EVI5: variants seen among roughly 807,000 people sequenced by gnomAD.
EVI5 encodes the protein ecotropic viral integration site 5 protein homolog.
In EVI5, 73 loss-of-function variants were observed where a neutral mutation model predicts 112.0. That is an observed-to-expected ratio of 0.65 (90% CI 0.54 to 0.79). The LOEUF (loss-of-function observed/expected upper bound fraction) is 0.79, where lower values mean the gene tolerates loss of function less well. Ranked by LOEUF, EVI5 falls within the 30% of genes least tolerant of loss-of-function variation. The pLI, the probability that EVI5 is intolerant of heterozygous loss-of-function variation, is 0.00. For synonymous variants in EVI5, 305 were observed against 319.9 expected, an observed-to-expected ratio of 0.95 and a Z score of 0.50; for missense variants, 900 against 968.8, an observed-to-expected ratio of 0.93 and a Z score of 0.94.
intron 1 of EVI5, among the ~76,000 whole-genome samples, chr1:92,744,185 C>T (rs996675713): frequency 5.3e-5 from 8 of 152,060 alleles, no homozygotes; most frequent in Non-Finnish European, 1.0e-4. Flanking sequence ...TTAATTCCAC[C>T]GTGGTCTGAG....
chr1:92,769,570 T>A (rs538033295), intron 1 of EVI5, among the ~76,000 whole-genome samples: 1 of 152,208 alleles, frequency 6.6e-6, no homozygotes, highest in Admixed American at 6.5e-5. Context: ...AGAGGGTGCT[T>A]TGCAGCTATG....
chr1:92,526,808 T>A (rs1189095894), intron 19 of EVI5, among the ~76,000 whole-genome samples: 1 of 152,150 alleles, frequency 6.6e-6, no homozygotes, highest in Non-Finnish European at 1.5e-5. Flanking sequence ...ACATATAGAA[T>A]GTACAACACA....
intron 13 of EVI5, among the ~76,000 whole-genome samples, chr1:92,643,353 G>A (rs571607480): frequency 7.0e-6 from 1 of 143,718 alleles, no homozygotes; most frequent in Non-Finnish European, 1.5e-5. Context: ...AATCTGGAGT[G>A]CAGTGGCATC....
chr1:92,548,571 T>A (rs1452657698), intron 19 of EVI5, among the ~76,000 whole-genome samples: 1 of 152,208 alleles, frequency 6.6e-6, no homozygotes, highest in African/African-American at 2.4e-5. Context: ...TGTTTGCAGA[T>A]GACATGATTG....
At chr1:92,709,426 G>T (rs1349648600) in intron 2 of EVI5, among the ~76,000 whole-genome samples, 4 of 152,110 alleles carry the variant, frequency 2.6e-5, no homozygotes, top group African/African-American at 7.2e-5. Flanking sequence ...GGTGAGAAAT[G>T]ACTGCATTTT....
chr1:92,671,933 G>C (rs1192719799), intron 10 of EVI5, among the ~76,000 whole-genome samples: 2 of 151,252 alleles, frequency 1.3e-5, no homozygotes, highest in African/African-American at 4.9e-5. Context: ...CTCCTGAGTA[G>C]CTAGGACTAC....
At chr1:92,672,792 G>GT (rs1235940033) in intron 10 of EVI5, among the ~76,000 whole-genome samples, 7 of 152,042 alleles carry the variant, frequency 4.6e-5, no homozygotes, top group Non-Finnish European at 1.0e-4. Context: ...GTAGCCATTA[G>GT]TTTTTTTAAT....
intron 9 of EVI5, among the ~76,000 whole-genome samples, chr1:92,692,754 A>C (rs1451519392): frequency 6.6e-6 from 1 of 152,168 alleles, no homozygotes; most frequent in Non-Finnish European, 1.5e-5. Context: ...TGGAGTAGGA[A>C]TATCCATGGG....
At chr1:92,574,086 T>C (rs1161933470) in intron 18 of EVI5, among the ~76,000 whole-genome samples, 3 of 152,084 alleles carry the variant, frequency 2.0e-5, no homozygotes, top group South Asian at 4.1e-4. Flanking sequence ...TAGAAGAATA[T>C]TGTACCAAGA....
intron 10 of EVI5, among the ~76,000 whole-genome samples, chr1:92,666,318 G>T (rs1038622841): frequency 6.6e-6 from 1 of 151,708 alleles, no homozygotes; most frequent in Admixed American, 6.6e-5. Flanking sequence ...CAGGAATGGT[G>T]GTGATGAGCC....
chr1:92,650,596 G>A (rs774819961), intron 13 of EVI5, among the ~76,000 whole-genome samples: 2 of 151,482 alleles, frequency 1.3e-5, no homozygotes, highest in Admixed American at 1.3e-4. Flanking sequence ...TCTTATAATT[G>A]GTATATTTAA....
intron 2 of EVI5, among the ~76,000 whole-genome samples, chr1:92,713,610 T>C (rs774621757): frequency 6.6e-6 from 1 of 151,870 alleles, no homozygotes; most frequent in Non-Finnish European, 1.5e-5. Context: ...ACCCCATCTC[T>C]ACCAAAAACT....
intron 1 of EVI5, among the ~76,000 whole-genome samples, chr1:92,757,959 G>A (rs1681212784): frequency 1.4e-5 from 2 of 147,496 alleles, no homozygotes; most frequent in Non-Finnish European, 3.0e-5. Flanking sequence ...AGAAAAAACT[G>A]GTAATAACCA....
chr1:92,728,631 G>A (rs762627080), intron 2 of EVI5, among the ~76,000 whole-genome samples: 19 of 152,082 alleles, frequency 1.2e-4, no homozygotes, highest in Admixed American at 5.2e-4. Context: ...CAGGTGATCC[G>A]CCCACCTTGG....
At chr1:92,725,476 T>C (rs752596947) in intron 2 of EVI5, among the ~76,000 whole-genome samples, 8 of 152,116 alleles carry the variant, frequency 5.3e-5, no homozygotes, top group Non-Finnish European at 1.2e-4. Flanking sequence ...CACGACAAGA[T>C]AAAATTCACA....
intron 18 of EVI5, among the ~76,000 whole-genome samples, chr1:92,568,984 T>C (rs1246465759): frequency 1.3e-5 from 2 of 152,194 alleles, no homozygotes. Flanking sequence ...TTTTCCACTG[T>C]GCAGGGATCA....
intron 3 of EVI5, among the ~76,000 whole-genome samples, chr1:92,704,235 G>A (rs545749780): frequency 4.6e-5 from 7 of 152,218 alleles, no homozygotes; most frequent in African/African-American, 1.7e-4. Context: ...AACAGCTTAA[G>A]CCCAGAAATT....
At chr1:92,718,853 A>G (rs924038907) in intron 2 of EVI5, among the ~76,000 whole-genome samples, 1 of 152,168 alleles carries the variant, frequency 6.6e-6, no homozygotes, top group Non-Finnish European at 1.5e-5. Context: ...TAAAAAAATT[A>G]TAAGAGGGAT....
chr1:92,564,476 G>A (rs554303636), intron 18 of EVI5, among the ~76,000 whole-genome samples: 41 of 152,026 alleles, frequency 2.7e-4, no homozygotes, highest in Non-Finnish European at 4.6e-4. Context: ...CTCTAAAAAG[G>A]GGAGGACAAC....
Sources: allele counts gnomAD v4.1 joint callset (sites outside exome capture counted in the v4.1 genomes callset), GRCh38; gene constraint gnomAD v4.1.1; transcripts MANE v1.5; gene names NCBI Gene and HGNC (gene_info 2026-07-23, HGNC 2026-07-21).